The following PARD3 variants were observed in gnomAD, a reference collection of about 807,000 sequenced individuals.
PARD3 encodes par-3 family cell polarity regulator.
In PARD3, 75 loss-of-function variants were observed where a neutral mutation model predicts 155.4. The ratio of observed to expected loss-of-function variants is 0.48; its 90% CI spans 0.40 to 0.58. The LOEUF is 0.58. Ranked by LOEUF, PARD3 falls within the 20% of genes least tolerant of loss-of-function variation. The pLI is 0.00. For missense variants in PARD3, 1,642 were observed against 1,721.7 expected, an observed-to-expected ratio of 0.95 and a Z score of 0.82; for synonymous variants, 576 against 610.5, an observed-to-expected ratio of 0.94 and a Z score of 0.83.
chr10:34,756,601 G>A (rs987644971), intron 1 of PARD3, among the ~76,000 whole-genome samples: 1 of 150,870 alleles, frequency 6.6e-6, no homozygotes, highest in African/African-American at 2.4e-5. Flanking sequence ...CTACAGGCAT[G>A]CACCACCACA....
In PARD3 at chr10:34,412,127, CA is replaced by C. The variant is rs1234454113; in HGVS notation, c.715-10211del. Among the ~76,000 whole-genome samples the C allele has an allele frequency of 2.0e-5, 3 of 151,854 alleles. No individual in the cohort carries two copies. In the South Asian group the frequency reaches 6.2e-4, roughly 32 times the overall value. Reference sequence around the variant, plus strand: ...AAAGGTGTGCATCATCGCACCTGGCCAATTTTTTAAATATTTGTACAGACTG... The same window carrying C: ...AAAGGTGTGCATCATCGCACCTGGCCATTTTTTAAATATTTGTACAGACTG... On this transcript the variant is annotated intron_variant, in intron 5 of 24. Transcript: ENST00000374788.
chr10:34,530,510 T>C (rs1477444570), intron 2 of PARD3, among the ~76,000 whole-genome samples: 1 of 152,188 alleles, frequency 6.6e-6, no homozygotes, highest in African/African-American at 2.4e-5. Flanking sequence ...GTGGTATCTA[T>C]GAGCTCCTGA....
intron 1 of PARD3, among the ~76,000 whole-genome samples, chr10:34,725,559 C>T (rs1279925344): frequency 6.6e-6 from 1 of 152,194 alleles, no homozygotes; most frequent in Non-Finnish European, 1.5e-5. Flanking sequence ...GTCCCTACTT[C>T]CTCAACTGTG....
At chr10:34,149,267 G>T (rs938168979) in intron 22 of PARD3, among the ~76,000 whole-genome samples, 80 of 152,178 alleles carry the variant, frequency 5.3e-4, no homozygotes, top group African/African-American at 1.9e-3. Flanking sequence ...TATCCTGAGA[G>T]AGGTTTGAAA....
chr10:34,722,382 T>C (rs544601321), intron 1 of PARD3, among the ~76,000 whole-genome samples: 7 of 152,330 alleles, frequency 4.6e-5, no homozygotes, highest in South Asian at 4.1e-4. Flanking sequence ...AATCAAATTA[T>C]AGTTTACCTA....
At chr10:34,247,535 A>C (rs960958432) in intron 22 of PARD3, among the ~76,000 whole-genome samples, 1 of 152,110 alleles carries the variant, frequency 6.6e-6, no homozygotes, top group African/African-American at 2.4e-5. Flanking sequence ...ACAAAAACAG[A>C]CCCAGAAAGG....
At chr10:34,323,960 G>C (rs1800033523) in intron 19 of PARD3, among the ~76,000 whole-genome samples, 2 of 152,184 alleles carry the variant, frequency 1.3e-5, no homozygotes, top group African/African-American at 4.8e-5. Context: ...GACCGAAAGG[G>C]CTGGCTACAC....
chr10:34,367,688 G>C (rs1305566859), intron 12 of PARD3, among the ~76,000 whole-genome samples: 1 of 152,148 alleles, frequency 6.6e-6, no homozygotes, highest in Non-Finnish European at 1.5e-5. Flanking sequence ...GGGCAACAGA[G>C]TGAGACTTGG....
intron 1 of PARD3, among the ~76,000 whole-genome samples, chr10:34,717,169 A>T (rs1381199315): frequency 6.6e-6 from 1 of 152,128 alleles, no homozygotes; most frequent in Non-Finnish European, 1.5e-5. Flanking sequence ...CAGTAGCCAC[A>T]AAAAGGACAA....
intron 2 of PARD3, among the ~76,000 whole-genome samples, chr10:34,560,995 T>C (rs1178745765): frequency 6.6e-6 from 1 of 152,152 alleles, no homozygotes; most frequent in Admixed American, 6.5e-5. Flanking sequence ...GGGATAAGCT[T>C]TTAAAGCAAA....
intron 3 of PARD3, among the ~76,000 whole-genome samples, chr10:34,495,132 C>T (rs565447371): frequency 2.0e-5 from 3 of 151,990 alleles, no homozygotes; most frequent in Non-Finnish European, 4.4e-5. Context: ...CATTGAGATA[C>T]CATTGCTTCC....
chr10:34,351,222 T>C (rs1046883419), intron 14 of PARD3, among the ~76,000 whole-genome samples: 14 of 152,040 alleles, frequency 9.2e-5, no homozygotes, highest in African/African-American at 1.9e-4. Flanking sequence ...TCACTGGTGA[T>C]TGGCAAGATC....
At chr10:34,427,698 G>A (rs757700403) in intron 5 of PARD3, among the ~76,000 whole-genome samples, 3 of 152,008 alleles carry the variant, frequency 2.0e-5, no homozygotes, top group South Asian at 2.1e-4. Flanking sequence ...TGGCTTTACC[G>A]CTCAGGGGGC....
chr10:34,681,293 C>T (rs2093813572), intron 2 of PARD3, among the ~76,000 whole-genome samples: 1 of 152,056 alleles, frequency 6.6e-6, no homozygotes, highest in South Asian at 2.1e-4. Context: ...TGTTCTGCCA[C>T]AGGTTGGAGG....
intron 2 of PARD3, among the ~76,000 whole-genome samples, chr10:34,601,775 G>T (rs1382087509): frequency 6.6e-6 from 1 of 152,096 alleles, no homozygotes; most frequent in Non-Finnish European, 1.5e-5. Flanking sequence ...CAATGATAAA[G>T]AAATACAACT....
chr10:34,295,222 G>A (rs1353627804), intron 20 of PARD3, among the ~76,000 whole-genome samples: 8 of 152,132 alleles, frequency 5.3e-5, no homozygotes, highest in Non-Finnish European at 1.2e-4. Context: ...AAATCCTGGG[G>A]TGGGTGAAGC....
At chr10:34,579,156 G>A (rs1274498801) in intron 2 of PARD3, among the ~76,000 whole-genome samples, 1 of 152,122 alleles carries the variant, frequency 6.6e-6, no homozygotes, top group South Asian at 2.1e-4. Context: ...TGTAATCCCA[G>A]CTACTCAGGA....
intron 13 of PARD3, among the ~76,000 whole-genome samples, chr10:34,359,580 A>T (rs892163100): frequency 1.3e-5 from 2 of 152,208 alleles, no homozygotes; most frequent in Non-Finnish European, 2.9e-5. Context: ...TACTAATTCA[A>T]AGGACACAAA....
intron 21 of PARD3, among the ~76,000 whole-genome samples, chr10:34,283,723 T>C (rs1956259184): frequency 6.6e-6 from 1 of 152,116 alleles, no homozygotes; most frequent in Non-Finnish European, 1.5e-5. Flanking sequence ...ATTTAAAATG[T>C]GATATAAAAC....
Sources: gnomAD v4.1 joint callset for allele counts (sites outside exome capture counted in the v4.1 genomes callset) on GRCh38, gnomAD v4.1.1 for gene constraint, MANE v1.5 for transcripts, NCBI Gene and HGNC (gene_info 2026-07-23, HGNC 2026-07-21) for gene names.